PAK1: variants seen among roughly 807,000 people sequenced by gnomAD.
The protein encoded by PAK1 is p21 (RAC1) activated kinase 1.
In PAK1, 29 loss-of-function variants were observed where a neutral mutation model predicts 67.4. The observed-to-expected ratio is 0.43, with a 90% CI of 0.32 to 0.59. The LOEUF is 0.59. Ranked by LOEUF, PAK1 falls within the 20% of genes least tolerant of loss-of-function variation. The pLI is 0.07. For missense variants in PAK1, 337 were observed against 670.7 expected (o/e 0.50, Z 5.50); for synonymous variants, 223 against 237.4 (o/e 0.94, Z 0.56).
At chr11:77,508,871 A>G in the PAK1 span, among the ~76,000 whole-genome samples, 3 of 149,518 alleles carry the variant, frequency 2.0e-5, no homozygotes, top group African/African-American at 7.3e-5. Flanking sequence ...CGTGTTAGCC[A>G]GGATGGCCTC....
intron 10 of PAK1, among the ~76,000 whole-genome samples, chr11:77,342,226 TA>T (rs2136261931): frequency 6.8e-6 from 1 of 147,674 alleles, no homozygotes; most frequent in African/African-American, 2.6e-5. Context: ...CTTACAGAGG[TA>T]TTTTTTTTTT....
At chr11:77,344,741 T>C (rs2725829) in intron 9 of PAK1, among the ~76,000 whole-genome samples, 21,323 of 152,170 alleles carry the variant, frequency 0.14, 3,344 homozygotes, top group African/African-American at 0.38. Flanking sequence ...AAAAGGGATG[T>C]CAAGTTATCC....
chr11:77,390,011 T>C (rs1042375226), intron 2 of PAK1, among the ~76,000 whole-genome samples: 3 of 152,202 alleles, frequency 2.0e-5, no homozygotes, highest in Admixed American at 6.5e-5. Context: ...GTTGATAAGA[T>C]ACAATATTAA....
In PAK1 at chr11:77,369,444, C is replaced by CTT. The variant is rs147630042; in HGVS notation, c.477+4882_477+4883dup. ...TTTGTTGTTTAAACCTTATACATTT[C>CTT]TTTTTTTTTTTTTTTTTTTTTGAGA... On this transcript the variant is annotated intron_variant, in intron 5 of 14. Transcript: ENST00000356341. 4.8e-3 allele frequency among the ~76,000 whole-genome samples: 419 copies of CTT among 86,722 alleles called. 16 individuals carry two copies. The highest frequency in any genetic ancestry group is 8.0e-3 in the South Asian group (20 of 2,510). 56.9% of individuals were successfully genotyped at this position (86,722 alleles called of 152,430 possible).
rs190263367 is a variant in PAK1, at chr11:77,339,751, C to T, written c.1116+895G>A. On this transcript the variant is annotated intron_variant, in intron 11 of 14. Transcript: ENST00000356341. ...CTCATCTCCACAAAATTCTGAACCT[C>T]ATCTCATCTTCTATGCTTCCCCTAA... Among the ~76,000 whole-genome samples the T allele has an allele frequency of 9.0e-3, 1,361 of 151,738 alleles. 9 individuals carry two copies. Among genetic ancestry groups the T allele is most frequent in the Non-Finnish European group, 0.013 (901 of 67,996 alleles).
chr11:77,466,330 G>A (rs1019064360), intron 1 of PAK1, among the ~76,000 whole-genome samples: 24 of 152,102 alleles, frequency 1.6e-4, no homozygotes, highest in Admixed American at 2.6e-4. Context: ...AAGGCCGGGC[G>A]AGGTGGCTCA....
At chr11:77,468,402 C>CT (rs1478982011) in intron 1 of PAK1, among the ~76,000 whole-genome samples, 3 of 152,300 alleles carry the variant, frequency 2.0e-5, no homozygotes, top group African/African-American at 7.2e-5. Context: ...ATATACATGA[C>CT]TTTCCCCATC....
At chr11:77,427,978 C>T (rs1383428909) in intron 1 of PAK1, among the ~76,000 whole-genome samples, 2 of 152,142 alleles carry the variant, frequency 1.3e-5, no homozygotes, top group African/African-American at 4.8e-5. Context: ...AGTAAATGTA[C>T]TGGGGTATGT....
At chr11:77,350,075 C>G (rs940886436) in intron 8 of PAK1, among the ~76,000 whole-genome samples, 1 of 152,134 alleles carries the variant, frequency 6.6e-6, no homozygotes, top group African/African-American at 2.4e-5. Flanking sequence ...AAGAACCACA[C>G]TGAATAATCT....
chr11:77,351,709 T>C (rs1369515038), intron 8 of PAK1, among the ~76,000 whole-genome samples: 1 of 151,874 alleles, frequency 6.6e-6, no homozygotes, highest in Non-Finnish European at 1.5e-5. Context: ...CCCTATATTA[T>C]GCAATCTTTT....
chr11:77,429,325 C>T (rs1252442883), intron 1 of PAK1, among the ~76,000 whole-genome samples: 3 of 152,102 alleles, frequency 2.0e-5, no homozygotes, highest in African/African-American at 7.2e-5. Context: ...TAAAATGAGT[C>T]CATACTGATA....
intron 1 of PAK1, among the ~76,000 whole-genome samples, chr11:77,454,441 C>T (rs1956994264): frequency 2.6e-5 from 4 of 152,204 alleles, no homozygotes; most frequent in South Asian, 2.1e-4. Flanking sequence ...GGTCCCTATC[C>T]GTCTTTCCAG....
intron 8 of PAK1, among the ~76,000 whole-genome samples, chr11:77,351,200 CTTAA>C (rs993490702): frequency 1.3e-5 from 2 of 151,800 alleles, no homozygotes; most frequent in African/African-American, 2.4e-5. Context: ...AGCATAAGTG[CTTAA>C]TTAATATTTC....
intron 5 of PAK1, among the ~76,000 whole-genome samples, chr11:77,367,931 A>T (rs943195708): frequency 7.2e-5 from 11 of 152,362 alleles, no homozygotes; most frequent in Middle Eastern, 3.4e-3. Context: ...GTGAGCTGAG[A>T]TCACGCCGCT....
chr11:77,338,195 A>G (rs956406116), intron 11 of PAK1, among the ~76,000 whole-genome samples: 2 of 152,204 alleles, frequency 1.3e-5, no homozygotes, highest in African/African-American at 4.8e-5. Context: ...AGATGAGATC[A>G]TCTCAGCTTT....
At chr11:77,471,353 T>G (rs1192288888) in intron 1 of PAK1, among the ~76,000 whole-genome samples, 1 of 151,986 alleles carries the variant, frequency 6.6e-6, no homozygotes, top group Non-Finnish European at 1.5e-5. Context: ...AAGGGCTTAT[T>G]AAAGAAAAGA....
At chr11:77,367,162 C>T (rs1407709839) in intron 5 of PAK1, among the ~76,000 whole-genome samples, 7 of 152,230 alleles carry the variant, frequency 4.6e-5, no homozygotes, top group Admixed American at 4.6e-4. Context: ...AGAAGCAGAT[C>T]AGTGGTTTCC....
intron 1 of PAK1, among the ~76,000 whole-genome samples, chr11:77,427,467 G>C (rs189643201): frequency 4.3e-4 from 65 of 152,310 alleles, no homozygotes; most frequent in Admixed American, 9.8e-4. Flanking sequence ...GCACAGGGCA[G>C]ATATCTAGAC....
At chr11:77,371,317 A>G (rs917658140) in intron 5 of PAK1, among the ~76,000 whole-genome samples, 3 of 152,200 alleles carry the variant, frequency 2.0e-5, no homozygotes, top group African/African-American at 7.2e-5. Flanking sequence ...GAGCAGAATA[A>G]ATCACTCCAT....
Sources: allele counts gnomAD v4.1 joint callset (sites outside exome capture counted in the v4.1 genomes callset), GRCh38; gene constraint gnomAD v4.1.1; transcripts MANE v1.5; gene names NCBI Gene and HGNC (gene_info 2026-07-23, HGNC 2026-07-21).